Variants in REDIC1 observed in about 807,000 individuals in gnomAD.
The protein encoded by REDIC1 is HEI10 Interacting Protein 1.
At chr12:39,715,704 A>G in the REDIC1 span, among the ~76,000 whole-genome samples, 1 of 151,808 alleles carries the variant, frequency 6.6e-6, no homozygotes, top group African/African-American at 2.4e-5. Flanking sequence ...CACCAAAACG[A>G]GTGTTTAATT....
the REDIC1 span, among the ~76,000 whole-genome samples, chr12:39,690,181 T>C: frequency 6.6e-6 from 1 of 152,258 alleles, no homozygotes; most frequent in African/African-American, 2.4e-5. Context: ...AACAGGTAGA[T>C]TCTGCTGAGG....
chr12:39,667,611 C>A, the REDIC1 span, among the ~76,000 whole-genome samples: 2 of 152,088 alleles, frequency 1.3e-5, no homozygotes, highest in South Asian at 4.1e-4. Context: ...AGTTCAATTC[C>A]TGGATATCTT....
At chr12:39,839,567 A>C in the REDIC1 span, among the ~76,000 whole-genome samples, 1 of 151,868 alleles carries the variant, frequency 6.6e-6, no homozygotes, top group African/African-American at 2.4e-5. Flanking sequence ...ATTTTCTAAA[A>C]ATTTTCCCTC....
chr12:39,809,374 A>G, the REDIC1 span, among the ~76,000 whole-genome samples: 1 of 152,200 alleles, frequency 6.6e-6, no homozygotes, highest in Non-Finnish European at 1.5e-5. Flanking sequence ...TGTTTTGGCC[A>G]TTCCAGTTCT....
chr12:39,821,200 T>A, the REDIC1 span, among the ~76,000 whole-genome samples: 1 of 152,012 alleles, frequency 6.6e-6, no homozygotes, highest in African/African-American at 2.4e-5. Context: ...GATCATGAGG[T>A]CAGGAGATCG....
At chr12:39,790,151 GTTAATTTA>G in the REDIC1 span, among the ~76,000 whole-genome samples, 1,133 of 146,674 alleles carry the variant, frequency 7.7e-3, 15 homozygotes, top group African/African-American at 0.027. Flanking sequence ...ACAGACTAAG[GTTAATTTA>G]TCATTGAAGA....
the REDIC1 span, among the ~76,000 whole-genome samples, chr12:39,731,702 T>C: frequency 2.6e-5 from 4 of 152,176 alleles, no homozygotes; most frequent in African/African-American, 9.7e-5. Context: ...TGTTGCTGTC[T>C]TCAGAGCCAT....
At chr12:39,831,806 T>C in the REDIC1 span, among the ~76,000 whole-genome samples, 3 of 152,254 alleles carry the variant, frequency 2.0e-5, no homozygotes, top group East Asian at 5.8e-4. Flanking sequence ...GTGAGGTGGC[T>C]GTTCCCCCTT....
chr12:39,767,599 C>G, the REDIC1 span, among the ~76,000 whole-genome samples: 1 of 152,026 alleles, frequency 6.6e-6, no homozygotes, highest in African/African-American at 2.4e-5. Flanking sequence ...CTTCTTCCAA[C>G]AGAAGGCAGT....
At chr12:39,702,963 C>G in the REDIC1 span, among the ~76,000 whole-genome samples, 1 of 152,078 alleles carries the variant, frequency 6.6e-6, no homozygotes, top group Admixed American at 6.5e-5. Context: ...TATGACAAAC[C>G]CACAGCCAGT....
At chr12:39,636,165 G>A in the REDIC1 span, among the ~76,000 whole-genome samples, 2 of 151,998 alleles carry the variant, frequency 1.3e-5, no homozygotes, top group Non-Finnish European at 2.9e-5. Context: ...ATGGCTGTTC[G>A]TGTTTATGAT....
the REDIC1 span, chr12:39,683,174 T>C: frequency 6.6e-7 from 1 of 1,516,208 alleles, no homozygotes; most frequent in Non-Finnish European, 8.9e-7. Context: ...TAATTACATA[T>C]TCTTTTTTTC....
chr12:39,790,112 G>A, the REDIC1 span, among the ~76,000 whole-genome samples: 146,942 of 149,948 alleles, frequency 0.98, 72,005 homozygotes, highest in East Asian at 1. Context: ...AAGATTCTGT[G>A]CATTCTTTTG....
At chr12:39,684,051 A>T in the REDIC1 span, 99 of 737,378 alleles carry the variant, frequency 1.3e-4, no homozygotes, top group African/African-American at 1.8e-3. Context: ...TATGTTCAAG[A>T]TTACAATCTC....
chr12:39,755,166 A>T, the REDIC1 span: 1 of 152,108 alleles, frequency 6.6e-6, no homozygotes, highest in Non-Finnish European at 1.5e-5. Flanking sequence ...CATGTATATC[A>T]CTAAATCTCC....
the REDIC1 span, among the ~76,000 whole-genome samples, chr12:39,789,335 T>C: frequency 6.6e-6 from 1 of 152,192 alleles, no homozygotes; most frequent in Admixed American, 6.5e-5. Context: ...TTGTTTAATT[T>C]CTTAATATTA....
the REDIC1 span, among the ~76,000 whole-genome samples, chr12:39,897,721 T>C: frequency 6.6e-6 from 1 of 152,178 alleles, no homozygotes; most frequent in African/African-American, 2.4e-5. Context: ...TGGAGTAATA[T>C]CTTCACTGTA....
chr12:39,724,004 A>G, the REDIC1 span, among the ~76,000 whole-genome samples: 1 of 152,070 alleles, frequency 6.6e-6, no homozygotes, highest in Admixed American at 6.6e-5. Flanking sequence ...CCTCATTTTC[A>G]TACATACCAG....
At chr12:39,708,672 A>G in the REDIC1 span, among the ~76,000 whole-genome samples, 1 of 151,686 alleles carries the variant, frequency 6.6e-6, no homozygotes, top group Non-Finnish European at 1.5e-5. Context: ...TACCTTTTTT[A>G]TATAATAACT....
Sources: gnomAD v4.1 joint callset for allele counts (sites outside exome capture counted in the v4.1 genomes callset) on GRCh38, gnomAD v4.1.1 for gene constraint, MANE v1.5 for transcripts, NCBI Gene and HGNC (gene_info 2026-07-23, HGNC 2026-07-21) for gene names.